Variants in ZNF275 observed in about 807,000 individuals in gnomAD.
ZNF275 encodes zinc finger protein 275.
In ZNF275, 4 loss-of-function variants were observed where a neutral mutation model predicts 4.3. The ratio of observed to expected loss-of-function variants is 0.93; its 90% confidence interval spans 0.46 to 2.13. The LOEUF (loss-of-function observed/expected upper bound fraction) is 2.13. ZNF275 is among the 30% of genes most tolerant of loss of function. ZNF275 has a pLI of 0.02. For synonymous variants in ZNF275, 173 were observed against 166.9 expected (o/e 1.04, Z -0.28); for missense variants, 352 against 397.1 (o/e 0.89, Z 0.97).
At chrX:153,344,788 GTCCCAGCCCTTCCTCAAAT>G (rs2088502037) in intron 2 of ZNF275, 1 of 370,354 alleles carries the variant, frequency 2.7e-6, no homozygotes, top group South Asian at 2.4e-5. Context: ...GGGTAAGGAT[GTCCCAGCCCTTCCTCAAAT>G]TCACCACCTT....
rs1479843761 is a variant in ZNF275 at position 153,334,188 on chromosome X, A to G, written c.-144A>G. 1.8e-5 allele frequency: 2 copies of G among 110,664 alleles called. No homozygotes were observed. The highest frequency in any genetic ancestry group is 3.8e-5 in the Non-Finnish European group (2 of 52,588). The allele number at this position is 110,664 out of a possible 1,213,427, so 9.1% of individuals were successfully genotyped here. The stretch of plus-strand genomic sequence containing the variant: ...CGCGGGGCTGTTAGCTCGGCTGGGC[A>G]CGGGCGGCTCCGTGGCGCTTCCTGC... On this transcript the variant is annotated 5_prime_UTR_variant, in exon 1 of 4. Transcript: ENST00000650114.
At position 153,347,431 on chromosome X, in the gene ZNF275, G is replaced by A. The variant is rs782364790; in HGVS notation, c.746G>A (p.Arg249His). 8.3e-7 allele frequency: 1 copy of A among 1,211,478 alleles called. No individual in the cohort carries two copies. Among genetic ancestry groups the A allele is most frequent in the Non-Finnish European group, 1.1e-6 (1 of 895,223 alleles). The change falls in exon 4 of 4, where the codon CGC becomes CAC. Residue 249 changes from arginine (R) to histidine (H), a missense_variant. By Grantham distance (29) the Arg-to-His change is conservative. Coordinates refer to ENST00000650114, the MANE Select transcript of ZNF275 (RefSeq NM_001367757.1). ...GCGTGCAGCAGGGATTTCCTGGATC[G>A]CCAGGAGCTTCTCAAGCACCAGCGC... ...CKACSRDFLD[R>H]QELLKHQRMH...
At position 153,347,648 on chromosome X, in the gene ZNF275, C is replaced by T. The variant is rs373734014; in HGVS notation, c.963C>T (p.Tyr321=). The change falls in exon 4 of 4, where the codon TAC becomes TAT. Residue 321 remains tyrosine, a synonymous_variant. Coordinates refer to ENST00000650114, the MANE Select transcript of ZNF275 (RefSeq NM_001367757.1). ...HRRIHTGEKP[Y]ACGQCGKAFR... The stretch of plus-strand genomic sequence containing the variant: ...GGATCCACACGGGCGAGAAGCCCTA[C>T]GCCTGCGGCCAGTGCGGCAAGGCCT... 172 of 1,203,371 alleles carry T rather than the reference C, an allele frequency of 1.4e-4. No individual in the cohort carries two copies. Among genetic ancestry groups the T allele is most frequent in the Non-Finnish European group, 1.7e-4 (151 of 891,487 alleles).
At chrX:153,334,871 T>TGGGGGGGGGGGGGGGG (rs34010706) in intron 1 of ZNF275, among the ~76,000 whole-genome samples, 7 of 55,090 alleles carry the variant, frequency 1.3e-4, no homozygotes, top group Admixed American at 2.0e-4. Flanking sequence ...TGGGTGGGAG[T>TGGGGGGGGGGGGGGGG]GGGGGGGGGC....
rs781937116 is a variant in ZNF275, at chrX:153,343,946, C to T, written c.32-1574C>T. Among the ~76,000 whole-genome samples, 6 of 111,723 alleles carry T rather than the reference C, an allele frequency of 5.4e-5. No homozygotes were observed. In the East Asian group the frequency reaches 1.7e-3, roughly 31 times the overall value. ...GTTCATTCTTTGCCAGGCTACTTTCCCCATTGTTCAAGATGTGTTTTCTCA... is the reference window on the plus strand; with the variant it reads ...GTTCATTCTTTGCCAGGCTACTTTCTCCATTGTTCAAGATGTGTTTTCTCA... On this transcript the variant is annotated intron_variant, in intron 2 of 3. Coordinates refer to ENST00000650114, the MANE Select transcript of ZNF275 (RefSeq NM_001367757.1).
rs915667501 is a variant in ZNF275 at position 153,340,587 on chromosome X, A to G, written c.31+3877A>G. ...ATTTTACAATTGTTATGCTTTTCTG[A>G]TACCAAGAAAATTCAGCTTGGTTAC... On this transcript the variant is annotated intron_variant, in intron 2 of 3. Transcript: ENST00000650114. 5.3e-5 allele frequency among the ~76,000 whole-genome samples: 6 copies of G among 112,791 alleles called. No homozygotes were observed. In the South Asian group the frequency reaches 1.5e-3, roughly 27 times the overall value.
At position 153,350,486 on chromosome X, in the gene ZNF275, G is replaced by A. The variant is rs781941918; in HGVS notation, c.*2511G>A. Reference sequence around the variant, plus strand: ...AAGAGGAACAGCAGCAAGGGCTAGCGAGGAACCTGCCCCTCCAGTGGCCCA... The same window carrying A: ...AAGAGGAACAGCAGCAAGGGCTAGCAAGGAACCTGCCCCTCCAGTGGCCCA... On this transcript the variant is annotated 3_prime_UTR_variant, in exon 4 of 4. Transcript: ENST00000650114. The A allele has an allele frequency of 6.5e-5, 8 of 123,820 alleles. No homozygotes were observed. Among genetic ancestry groups the A allele is most frequent in the Non-Finnish European group, 1.5e-4 (8 of 53,288 alleles). The allele number at this position is 123,820 out of a possible 1,213,427, so 10.2% of individuals were successfully genotyped here.
chrX:153,344,730 G>A, intron 2 of ZNF275: 1 of 370,344 alleles, frequency 2.7e-6, no homozygotes, highest in Middle Eastern at 4.3e-4. Flanking sequence ...GGTTTAAGCT[G>A]GACCCTGAAC....
intron 3 of ZNF275, among the ~76,000 whole-genome samples, chrX:153,346,583 G>A (rs894918935): frequency 1.8e-5 from 2 of 112,558 alleles, no homozygotes; most frequent in Non-Finnish European, 3.8e-5. Flanking sequence ...CTTTGGGGAC[G>A]TGTGTGGCTG....
intron 1 of ZNF275, among the ~76,000 whole-genome samples, chrX:153,336,035 T>A (rs2088443626): frequency 8.9e-6 from 1 of 112,402 alleles, no homozygotes; most frequent in Non-Finnish European, 1.9e-5. Context: ...TAAAATTTAT[T>A]TCGATTTTTA....
chrX:153,346,799 C>T lies in ZNF275; in HGVS notation c.134-20C>T, dbSNP rs782355314. On this transcript the variant is annotated intron_variant, in intron 3 of 3. Transcript: ENST00000650114. ...CCTTCATCCTCTGCAGACTACACTG[C>T]CTTGTGTTTATCGTTTCAGAAAGCA... 85 of 1,174,412 alleles carry T rather than the reference C, an allele frequency of 7.2e-5. No homozygotes were observed. Among genetic ancestry groups the T allele is most frequent in the Non-Finnish European group, 9.1e-5 (80 of 875,592 alleles).
At chrX:153,336,781 G>A (rs781900074) in intron 2 of ZNF275, 71 bp downstream of exon 2, 1 of 1,075,813 alleles carries the variant, frequency 9.3e-7, no homozygotes, top group Non-Finnish European at 1.3e-6. Flanking sequence ...GACCCTATAG[G>A]TGGGGTTACA....
rs782233314 is a variant in ZNF275 at position 153,347,088 on chromosome X, G to A, written c.403G>A (p.Gly135Arg). 14 of 1,209,682 alleles carry A rather than the reference G, an allele frequency of 1.2e-5. No homozygotes were observed. Among genetic ancestry groups the A allele is most frequent in the South Asian group, 3.5e-5 (2 of 56,769 alleles). ...EEKGWECGDC[G>R]KVFRGVAEFN... ...GAAGGGCTGGGAATGTGGCGACTGC[G>A]GGAAGGTCTTTAGGGGGGTGGCGGA... The change falls in exon 4 of 4, where the codon GGG becomes AGG. Residue 135 changes from glycine to arginine, a missense_variant. Gly to Arg is a moderately radical substitution (Grantham distance 125). Transcript: ENST00000650114.
chrX:153,346,960 C>G lies in ZNF275; in HGVS notation c.275C>G (p.Pro92Arg). ...GACTCTGACGGGAAGAGAGGGAGCC[C>G]ACAGAATCTGCCCATAGAACATCAT... ...HGDSDGKRGS[P>R]QNLPIEHHFA... Residue 92 changes from proline (P) to arginine (R), a missense_variant, in exon 4 of 4, where the codon CCA becomes CGA. Transcript: ENST00000650114. 1 of 1,211,510 alleles carries G rather than the reference C, an allele frequency of 8.3e-7. No individual in the cohort carries two copies. Among genetic ancestry groups the G allele is most frequent in the Non-Finnish European group, 1.1e-6 (1 of 895,426 alleles).
In ZNF275 at chrX:153,347,664, G is replaced by A. The variant is rs2088528551; in HGVS notation, c.979G>A (p.Gly327Ser). The change falls in exon 4 of 4, where the codon GGC (glycine) becomes AGC (serine). Residue 327 changes from glycine to serine, a missense_variant. Transcript: ENST00000650114. ...GEKPYACGQCGKAFRQSSSLL... is the reference protein window; with the variant it reads ...GEKPYACGQCSKAFRQSSSLL... ...GAAGCCCTACGCCTGCGGCCAGTGC[G>A]GCAAGGCCTTCCGCCAGAGCTCCAG... The A allele has an allele frequency of 5.8e-6, 7 of 1,206,697 alleles. No individual in the cohort carries two copies. Among genetic ancestry groups the A allele is most frequent in the East Asian group, 3.0e-5 (1 of 33,580 alleles).
At chrX:153,344,347 T>A (rs2088498019) in intron 2 of ZNF275, 1 of 260,106 alleles carries the variant, frequency 3.8e-6, no homozygotes, top group Non-Finnish European at 7.2e-6. Context: ...ACCCTCCCTC[T>A]GCTTCTCTTC....
rs1556961615 is a variant in ZNF275, at chrX:153,346,853, G to A, written c.168G>A (p.Gly56=). Reference sequence around the variant, plus strand: ...CCGCGACCCGACACCAGATGAAGGGGGAAGATGCCCAGCCACAGGAGATGG... The same window carrying A: ...CCGCGACCCGACACCAGATGAAGGGAGAAGATGCCCAGCCACAGGAGATGG... ...STSATRHQMK[G]EDAQPQEMAS... The change falls in exon 4 of 4, where the codon GGG becomes GGA. Residue 56 remains glycine, a synonymous_variant. Transcript: ENST00000650114. The A allele has an allele frequency of 8.3e-7, 1 of 1,205,319 alleles. No individual in the cohort carries two copies. Among genetic ancestry groups the A allele is most frequent in the Non-Finnish European group, 1.1e-6 (1 of 891,498 alleles).
chrX:153,339,529 T>C (rs912472071), intron 2 of ZNF275, among the ~76,000 whole-genome samples: 6 of 109,619 alleles, frequency 5.5e-5, no homozygotes, highest in Non-Finnish European at 1.1e-4. Context: ...TAAGTTAAAA[T>C]ATTAGCTGGG....
At position 153,347,257 on chromosome X, in the gene ZNF275, A is replaced by C. The variant is rs371477583; in HGVS notation, c.572A>C (p.Lys191Thr). ...FECEECGKRF[K>T]KNAGLSQHLR... ...TGCGAGGAGTGCGGAAAACGGTTTA[A>C]GAAGAATGCAGGCCTGAGTCAGCAT... Residue 191 changes from lysine to threonine, a missense_variant, in exon 4 of 4, where the codon AAG (lysine) becomes ACG (threonine). Lys to Thr is a moderately conservative substitution (Grantham distance 78). Coordinates refer to ENST00000650114, the MANE Select transcript of ZNF275 (RefSeq NM_001367757.1). 7 of 1,209,986 alleles carry C rather than the reference A, an allele frequency of 5.8e-6. No homozygotes were observed. In the African/African-American group the frequency reaches 1.2e-4, roughly 21 times the overall value.
Sources: allele counts gnomAD v4.1 joint callset (sites outside exome capture counted in the v4.1 genomes callset), GRCh38; gene constraint gnomAD v4.1.1; transcripts MANE v1.5; gene names NCBI Gene and HGNC (gene_info 2026-07-23, HGNC 2026-07-21).